The following FGGY variants were observed in gnomAD, a reference collection of about 807,000 sequenced individuals.
FGGY encodes FGGY carbohydrate kinase domain containing.
A neutral mutation model predicts 71.3 loss-of-function variants in FGGY; 72 were observed. The observed-to-expected ratio is 1.01, with a 90% confidence interval of 0.84 to 1.23. The LOEUF (loss-of-function observed/expected upper bound fraction) is 1.23. FGGY is among the 50% of genes most tolerant of loss of function. The probability of loss-of-function intolerance (pLI) is 0.00; values close to 1 mark genes in which losing one functional copy is unlikely to be tolerated. For synonymous variants in FGGY, 251 were observed against 250.3 expected (o/e 1.00, Z -0.02); for missense variants, 668 against 682.3 (o/e 0.98, Z 0.23).
intron 7 of FGGY, among the ~76,000 whole-genome samples, chr1:59,524,032 C>G (rs981274122): frequency 1.3e-5 from 2 of 152,230 alleles, no homozygotes; most frequent in African/African-American, 4.8e-5. Flanking sequence ...GGCTCTGGAC[C>G]TGGGCATCCC....
chr1:59,449,688 C>T (rs983904505), intron 5 of FGGY, among the ~76,000 whole-genome samples: 1 of 152,040 alleles, frequency 6.6e-6, no homozygotes, highest in Admixed American at 6.6e-5. Context: ...CCAGGCACTG[C>T]GACTCACCTC....
intron 14 of FGGY, among the ~76,000 whole-genome samples, chr1:59,740,337 T>C (rs1168469520): frequency 6.6e-6 from 1 of 152,218 alleles, no homozygotes; most frequent in Non-Finnish European, 1.5e-5. Context: ...TTCAGAGAGA[T>C]GACCTCCTGT....
At chr1:59,317,435 G>A (rs1037619106) in intron 1 of FGGY, among the ~76,000 whole-genome samples, 1 of 152,182 alleles carries the variant, frequency 6.6e-6, no homozygotes, top group Non-Finnish European at 1.5e-5. Context: ...GGGAATAAGT[G>A]ACACGATGAT....
At chr1:59,633,760 G>A (rs1351376230) in intron 10 of FGGY, among the ~76,000 whole-genome samples, 1 of 152,160 alleles carries the variant, frequency 6.6e-6, no homozygotes, top group Non-Finnish European at 1.5e-5. Context: ...AGGAGTTAAG[G>A]TCATATATTT....
At chr1:59,369,740 A>T (rs753993753) in intron 4 of FGGY, among the ~76,000 whole-genome samples, 2 of 152,230 alleles carry the variant, frequency 1.3e-5, no homozygotes, top group Non-Finnish European at 2.9e-5. Context: ...ATCAGACAGC[A>T]GCATTCACGG....
At chr1:59,669,315 C>G (rs1238154285) in intron 13 of FGGY, among the ~76,000 whole-genome samples, 2 of 152,090 alleles carry the variant, frequency 1.3e-5, no homozygotes, top group African/African-American at 4.8e-5. Flanking sequence ...GACTTTTCTG[C>G]CAAGTTTGTA....
intron 5 of FGGY, among the ~76,000 whole-genome samples, chr1:59,428,455 C>T (rs546645505): frequency 3.2e-4 from 48 of 152,308 alleles, no homozygotes; most frequent in African/African-American, 1.2e-3. Flanking sequence ...TGGAGAATAC[C>T]TCAGTACAGT....
At chr1:59,637,134 C>T (rs954255874) in intron 10 of FGGY, among the ~76,000 whole-genome samples, 1 of 152,104 alleles carries the variant, frequency 6.6e-6, no homozygotes, top group Non-Finnish European at 1.5e-5. Flanking sequence ...GTTATTAAAC[C>T]TATTTTATGA....
chr1:59,589,465 C>G (rs1399138050), intron 8 of FGGY, among the ~76,000 whole-genome samples: 2 of 152,136 alleles, frequency 1.3e-5, no homozygotes, highest in Non-Finnish European at 2.9e-5. Flanking sequence ...ACTCTCCACC[C>G]CAAATCAACA....
At chr1:59,592,990 G>T (rs11805530) in intron 8 of FGGY, among the ~76,000 whole-genome samples, 2,301 of 152,292 alleles carry the variant, frequency 0.015, 59 homozygotes, top group African/African-American at 0.052. Flanking sequence ...ATGCATTTGA[G>T]GCAAAGCCTC....
chr1:59,556,100 C>T (rs2095681741), intron 8 of FGGY, among the ~76,000 whole-genome samples: 1 of 152,208 alleles, frequency 6.6e-6, no homozygotes, highest in African/African-American at 2.4e-5. Flanking sequence ...AGGCCTGAGG[C>T]CTCTTTAAGC....
At chr1:59,449,422 C>T (rs569183363) in intron 5 of FGGY, among the ~76,000 whole-genome samples, 2 of 152,188 alleles carry the variant, frequency 1.3e-5, no homozygotes, top group African/African-American at 2.4e-5. Flanking sequence ...TAGCTGATTA[C>T]AGGCGCACAC....
At chr1:59,721,045 C>G (rs140601642) in intron 14 of FGGY, among the ~76,000 whole-genome samples, 305 of 152,266 alleles carry the variant, frequency 2.0e-3, no homozygotes, top group African/African-American at 6.6e-3. Context: ...TTCACTCCCT[C>G]ATTCCCTTGG....
chr1:59,441,436 C>G (rs551412414), intron 5 of FGGY, among the ~76,000 whole-genome samples: 1 of 152,160 alleles, frequency 6.6e-6, no homozygotes, highest in Non-Finnish European at 1.5e-5. Flanking sequence ...TCATTTAGTT[C>G]GGATAATGGC....
At chr1:59,608,759 T>G (rs2096647357) in intron 9 of FGGY, among the ~76,000 whole-genome samples, 1 of 152,046 alleles carries the variant, frequency 6.6e-6, no homozygotes, top group African/African-American at 2.4e-5. Flanking sequence ...ATCACTTGAA[T>G]CTGGGAGGCA....
chr1:59,347,337 A>G (rs1182150770), intron 4 of FGGY, among the ~76,000 whole-genome samples: 1 of 146,236 alleles, frequency 6.8e-6, no homozygotes, highest in African/African-American at 2.5e-5. Flanking sequence ...ATGAGTGAGA[A>G]CATGTGGTGT....
intron 8 of FGGY, among the ~76,000 whole-genome samples, chr1:59,564,771 TA>T (rs1441284587): frequency 6.6e-6 from 1 of 152,160 alleles, no homozygotes; most frequent in African/African-American, 2.4e-5. Flanking sequence ...TCCATTTCTA[TA>T]AAAGCCAGGC....
chr1:59,509,355 C>G (rs2094465076), intron 6 of FGGY, among the ~76,000 whole-genome samples: 2 of 152,152 alleles, frequency 1.3e-5, no homozygotes, highest in South Asian at 4.1e-4. Flanking sequence ...TTTCCCTAAC[C>G]CCAGTCTATC....
At chr1:59,751,640 AT>A (rs527517249) in intron 14 of FGGY, among the ~76,000 whole-genome samples, 149 of 152,286 alleles carry the variant, frequency 9.8e-4, no homozygotes, top group Admixed American at 2.3e-3. Flanking sequence ...TTTTTAAATG[AT>A]TTTGTATGTG....
Sources: gnomAD v4.1 joint callset for allele counts (sites outside exome capture counted in the v4.1 genomes callset) on GRCh38, gnomAD v4.1.1 for gene constraint, MANE v1.5 for transcripts, NCBI Gene and HGNC (gene_info 2026-07-23, HGNC 2026-07-21) for gene names.